Variants in PCDHGB1 observed in about 807,000 individuals in gnomAD.
The protein encoded by PCDHGB1 is protocadherin gamma subfamily B, 1.
PCDHGB1 carries 34 observed loss-of-function variants against 56.6 expected under a neutral mutation model. The observed-to-expected ratio is 0.60, with a 90% CI of 0.46 to 0.80. The LOEUF (loss-of-function observed/expected upper bound fraction) is 0.80, where lower values mean the gene tolerates loss of function less well. Ranked by LOEUF, PCDHGB1 falls within the 30% of genes least tolerant of loss-of-function variation. PCDHGB1 has a pLI of 0.00. For missense variants in PCDHGB1, 1,278 were observed against 1,204.6 expected (o/e 1.06, Z -0.90); for synonymous variants, 561 against 505.9 (o/e 1.11, Z -1.46).
chr5:141,364,258 C>G, intron 1 of PCDHGB1: 1 of 1,497,150 alleles, frequency 6.7e-7, no homozygotes, highest in East Asian at 2.3e-5. Flanking sequence ...GAATATGTAC[C>G]CATCGGCTTT....
At chr5:141,392,238 A>G (rs1412628236) in intron 1 of PCDHGB1, 1 of 152,214 alleles carries the variant, frequency 6.6e-6, no homozygotes, top group Admixed American at 6.5e-5. Context: ...GTTCTTAGTT[A>G]TTTGTTAGTA....
chr5:141,478,013 C>G (rs768425714), intron 1 of PCDHGB1: 6 of 1,614,136 alleles, frequency 3.7e-6, no homozygotes. Flanking sequence ...TACTGCCCGT[C>G]CAGTCCAAGA....
In PCDHGB1 at chr5:141,490,889, T is replaced by G. The variant is rs568838001; in HGVS notation, c.2410-3918T>G. The G allele has an allele frequency of 6.2e-7, 1 of 1,613,406 alleles. No homozygotes were observed. Among genetic ancestry groups the G allele is most frequent in the Non-Finnish European group, 8.5e-7 (1 of 1,179,428 alleles). ...CCCCCATTGCATGCCAACACATCTCTGCATGTGTTTGTCCTAGACGAGAAT... is the reference window on the plus strand; with the variant it reads ...CCCCCATTGCATGCCAACACATCTCGGCATGTGTTTGTCCTAGACGAGAAT... On this transcript the variant is annotated intron_variant, in intron 1 of 3. Coordinates refer to ENST00000523390, the MANE Select transcript of PCDHGB1 (RefSeq NM_018922.3). This position sits in a 1 kb window ranked among gnomAD's most constrained non-coding sequence, Gnocchi z 5.4.
chr5:141,403,634 A>C, intron 1 of PCDHGB1: 1 of 1,613,920 alleles, frequency 6.2e-7, no homozygotes, highest in Non-Finnish European at 8.5e-7. Context: ...CACAGTGCGC[A>C]TCCATGTGAC....
At chr5:141,506,444 CAAAA>C (rs1219684339) in intron 3 of PCDHGB1, among the ~76,000 whole-genome samples, 5 of 95,022 alleles carry the variant, frequency 5.3e-5, no homozygotes, top group Admixed American at 1.1e-4. Context: ...CGCTCTGTCT[CAAAA>C]AAAAAAAAAA....
chr5:141,478,387 C>T, intron 1 of PCDHGB1: 1 of 1,613,642 alleles, frequency 6.2e-7, no homozygotes, highest in Non-Finnish European at 8.5e-7. Context: ...CGCACCTTTA[C>T]CATCAGGTGT....
intron 1 of PCDHGB1, chr5:141,356,725 T>C (rs780083329): frequency 3.1e-6 from 5 of 1,613,818 alleles, no homozygotes; most frequent in Non-Finnish European, 4.2e-6. Context: ...CTCCATCAAC[T>C]CCAATACAGG....
rs141556649 is a variant in PCDHGB1 at position 141,492,225 on chromosome 5, C to T, written c.2410-2582C>T. ...GTGTGCGCGCGGGGCTCATGCGTGT[C>T]CTCCCTGCTGGCCACCCCCACGGCC... On this transcript the variant is annotated intron_variant, in intron 1 of 3. Transcript: ENST00000523390. Among the ~76,000 whole-genome samples the T allele has an allele frequency of 2.4e-3, 361 of 152,274 alleles. No individual in the cohort carries two copies. In the Middle Eastern group the frequency reaches 0.024, roughly 10 times the overall value.
Position 141,395,191 on chromosome 5 carries a change from C to T in PCDHGB1, c.2409+42522C>T, listed in dbSNP as rs781685191. ...TGTGAGAAAAATGATTCTTTGTTAA[C>T]ATCCGTAGATTTTCATGAATATAAG... is the stretch of plus-strand genomic sequence containing the variant. On this transcript the variant is annotated intron_variant, in intron 1 of 3. Transcript: ENST00000523390. 8 of 1,614,074 alleles carry T rather than the reference C, an allele frequency of 5.0e-6. 1 individual carries two copies. The South Asian group carries it at 7.7e-5, about 16-fold the overall frequency.
intron 1 of PCDHGB1, among the ~76,000 whole-genome samples, chr5:141,472,402 G>A (rs569497172): frequency 8.5e-5 from 13 of 152,160 alleles, no homozygotes; most frequent in South Asian, 2.1e-4. Context: ...TTAGCCAGGC[G>A]TGGTGGCACG....
At chr5:141,388,657 G>A (rs769160604) in intron 1 of PCDHGB1, 2 of 1,613,760 alleles carry the variant, frequency 1.2e-6, no homozygotes, top group Admixed American at 1.7e-5. Context: ...GTGTACCCGG[G>A]GACCACGGTG....
chr5:141,487,323 G>A lies in PCDHGB1; in HGVS notation c.2410-7484G>A, dbSNP rs374901235. Reference sequence around the variant, plus strand: ...GTGGCACTACTCTCTAAGTGTCTTCGTGGGGCAGCCTGTGGAGTCACATGC... The same window carrying A: ...GTGGCACTACTCTCTAAGTGTCTTCATGGGGCAGCCTGTGGAGTCACATGC... On this transcript the variant is annotated intron_variant, in intron 1 of 3. Coordinates refer to ENST00000523390, the MANE Select transcript of PCDHGB1 (RefSeq NM_018922.3). The surrounding 1 kb of genome is among the most constrained non-coding windows in gnomAD (Gnocchi z 5.0). 4.0e-5 allele frequency: 65 copies of A among 1,613,982 alleles called. No homozygotes were observed. Among genetic ancestry groups the A allele is most frequent in the Non-Finnish European group, 4.7e-5 (56 of 1,180,012 alleles).
chr5:141,459,315 T>A (rs2154566534), intron 1 of PCDHGB1, among the ~76,000 whole-genome samples: 1 of 152,362 alleles, frequency 6.6e-6, no homozygotes, highest in Non-Finnish European at 1.5e-5. Flanking sequence ...CTATTTTGTA[T>A]CCATCTTCTT....
chr5:141,437,377 A>G (rs1021305426), intron 1 of PCDHGB1, among the ~76,000 whole-genome samples: 3 of 152,246 alleles, frequency 2.0e-5, no homozygotes, highest in Non-Finnish European at 2.9e-5. Flanking sequence ...AATCAGTCAG[A>G]AGACATTCAT....
intron 1 of PCDHGB1, chr5:141,414,204 T>C (rs748616910): frequency 1.2e-6 from 2 of 1,612,266 alleles, no homozygotes; most frequent in East Asian, 2.2e-5. Flanking sequence ...CAGTAGAAGA[T>C]GTAAATGACA....
chr5:141,356,771 A>G (rs900722489), intron 1 of PCDHGB1: 2 of 1,613,906 alleles, frequency 1.2e-6, no homozygotes, highest in African/African-American at 1.3e-5. Context: ...GACTATGAGC[A>G]GTTTAGAGAC....
intron 1 of PCDHGB1, chr5:141,371,219 C>G: frequency 6.2e-7 from 1 of 1,613,954 alleles, no homozygotes. Context: ...GCATCAATGC[C>G]GAAATCATCT....
chr5:141,428,121 G>T (rs764584436), intron 1 of PCDHGB1: 1 of 1,605,860 alleles, frequency 6.2e-7, no homozygotes. Context: ...CATCGAGCCC[G>T]GGCTTTTCAG....
intron 1 of PCDHGB1, among the ~76,000 whole-genome samples, chr5:141,438,705 G>A (rs555160868): frequency 2.0e-4 from 29 of 145,842 alleles, no homozygotes; most frequent in African/African-American, 7.1e-4. Flanking sequence ...CTGTCACCCA[G>A]GCTGGAGTGC....
Sources: gnomAD v4.1 joint callset for allele counts (sites outside exome capture counted in the v4.1 genomes callset) on GRCh38, gnomAD v4.1.1 for gene constraint, Gnocchi (gnomAD v3.1) non-coding constraint, MANE v1.5 for transcripts, NCBI Gene and HGNC (gene_info 2026-07-23, HGNC 2026-07-21) for gene names.